UNC45A: variants seen among roughly 807,000 people sequenced by gnomAD.
The protein encoded by UNC45A is protein unc-45 homolog A.
UNC45A carries 78 observed loss-of-function variants against 103.2 expected under a neutral mutation model. That is an observed-to-expected ratio of 0.76 (90% CI 0.63 to 0.91). UNC45A has a LOEUF of 0.91. UNC45A is among the 40% of genes least tolerant of loss of function. The pLI is 0.00. For synonymous variants in UNC45A, 495 were observed against 504.6 expected (o/e 0.98, Z 0.25); for missense variants, 1,193 against 1,224.8 (o/e 0.97, Z 0.39).
chr15:90,946,921 C>A lies in UNC45A; in HGVS notation c.1500+7C>A. The A allele has an allele frequency of 5.7e-6, 4 of 701,794 alleles. No individual in the cohort carries two copies. Among genetic ancestry groups the A allele is most frequent in the Non-Finnish European group, 9.8e-6 (4 of 408,668 alleles). 43.5% of individuals were successfully genotyped at this position (701,794 alleles called of 1,614,324 possible). On this transcript the variant is annotated splice_region_variant and intron_variant, in intron 10 of 19. Coordinates refer to ENST00000418476, the MANE Select transcript of UNC45A (RefSeq NM_018671.5). ...CCGCATCCGGGCGCTAGTGGTGAGA[C>A]GGTGGGCCTGGGGTGGGTGGGCAGG...
At chr15:90,937,878 C>A (rs2036099815) in intron 4 of UNC45A, among the ~76,000 whole-genome samples, 1 of 152,052 alleles carries the variant, frequency 6.6e-6, no homozygotes, top group African/African-American at 2.4e-5. Context: ...TGGAGTACAA[C>A]CTCTTCCTCC....
At chr15:90,934,147 C>T, upstream of UNC45A, 1 of 399,224 alleles carries the variant, frequency 2.5e-6, no homozygotes. Context: ...CTCTCAGGTA[C>T]AGCACTTACC....
intron 17 of UNC45A, chr15:90,952,276 C>G (rs2036956800): frequency 6.6e-6 from 1 of 152,362 alleles, no homozygotes; most frequent in African/African-American, 2.4e-5. Context: ...CTTCCTGGCT[C>G]TACAGGCTGT....
rs772950269 is a variant in UNC45A at position 90,952,890 on chromosome 15, C to G, written c.2304-39C>G. ...CATGAGGGTTAGAAGGGAAAACATC[C>G]AAACCGTATCCCTGCTGCTTCCTCC... On this transcript the variant is annotated intron_variant, in intron 17 of 19. Coordinates refer to ENST00000418476, the MANE Select transcript of UNC45A (RefSeq NM_018671.5). The G allele has an allele frequency of 1.1e-5, 17 of 1,583,312 alleles. No homozygotes were observed. The Admixed American group carries it at 2.9e-4, about 27-fold the overall frequency.
intron 12 of UNC45A, 160 bp downstream of exon 12, chr15:90,948,443 C>G (rs2151372835): frequency 7.8e-7 from 1 of 1,285,884 alleles, no homozygotes; most frequent in Non-Finnish European, 1.1e-6. Context: ...TTGGCCAGCA[C>G]CAGTGGTGTT....
Position 90,949,327 on chromosome 15 carries a change from C to T in UNC45A, c.1890C>T (p.Ser630=), listed in dbSNP as rs115431400. The T allele has an allele frequency of 2.8e-4, 454 of 1,612,346 alleles. No individual in the cohort carries two copies. In the African/African-American group the frequency reaches 5.3e-3, roughly 19 times the overall value. Residue 630 remains serine, a synonymous_variant, in exon 14 of 20, where the codon AGC becomes AGT. Coordinates refer to ENST00000418476, the MANE Select transcript of UNC45A (RefSeq NM_018671.5). Reference sequence around the variant, plus strand: ...GCCTCCTCCCCCAGGACAAGCCAAGCTTCGTGCGGGCTCGGGTGAAGAAGC... The same window carrying T: ...GCCTCCTCCCCCAGGACAAGCCAAGTTTCGTGCGGGCTCGGGTGAAGAAGC... The part of the protein sequence containing the change: ...VPEQHPKDKP[S]FVRARVKKLL...
chr15:90,938,145 A>T (rs2036113458), intron 4 of UNC45A, among the ~76,000 whole-genome samples: 5 of 152,168 alleles, frequency 3.3e-5, no homozygotes, highest in Admixed American at 3.3e-4. Context: ...ATTTTAAAAG[A>T]TATACATCAA....
At chr15:90,949,963 G>A in intron 15 of UNC45A, 191 bp from the exon 16 acceptor site, 2 of 670,962 alleles carry the variant, frequency 3.0e-6, no homozygotes, top group East Asian at 2.7e-5. Flanking sequence ...CATGGCCCTG[G>A]TGCTCAGCAC....
intron 11 of UNC45A, 43 bp from the exon 12 acceptor site, chr15:90,948,090 CCCCTCCGTA>C: frequency 1.2e-6 from 2 of 1,606,352 alleles, no homozygotes; most frequent in South Asian, 1.1e-5. Context: ...CCTTGGTGTA[CCCCTCCGTA>C]CCCCCAATCC....
chr15:90,945,128 G>T, intron 9 of UNC45A, 65 bp downstream of exon 9: 1 of 1,579,854 alleles, frequency 6.3e-7, no homozygotes, highest in Non-Finnish European at 8.6e-7. Context: ...ACTCCTTGAG[G>T]AGGGGCAGAA....
At chr15:90,932,310 T>C, upstream of UNC45A, 2 of 785,016 alleles carry the variant, frequency 2.5e-6, no homozygotes, top group Non-Finnish European at 3.9e-6. Flanking sequence ...GCTTAAACGG[T>C]ATATCGCACT....
At position 90,944,879 on chromosome 15, in the gene UNC45A, G is replaced by T. The variant is rs751284075; in HGVS notation, c.1028-13G>T. The T allele has an allele frequency of 1.2e-6, 2 of 1,610,558 alleles. No individual in the cohort carries two copies. The highest frequency in any genetic ancestry group is 1.7e-6 in the Non-Finnish European group (2 of 1,179,110). On this transcript the variant is annotated splice_polypyrimidine_tract_variant and intron_variant, in intron 8 of 19. Coordinates refer to ENST00000418476, the MANE Select transcript of UNC45A (RefSeq NM_018671.5). Reference sequence around the variant, plus strand: ...AACTAGTGTTCTACTGTCTAAGCGGGGTGTCTTTACAGGTCTGAAAAAGAT... The same window carrying T: ...AACTAGTGTTCTACTGTCTAAGCGGTGTGTCTTTACAGGTCTGAAAAAGAT...
Position 90,949,370 on chromosome 15 carries a change from G to A in UNC45A, c.1933G>A (p.Val645Met), listed in dbSNP as rs760262031. 1.5e-5 allele frequency: 25 copies of A among 1,613,608 alleles called. No individual in the cohort carries two copies. In the Admixed American group the frequency reaches 4.0e-4, roughly 26 times the overall value. ...GAAGAAGCTGCTGGCAGCGGGTGTG[G>A]TGTCGGCCATGGTGTGCATGGTGAA... ...RVKKLLAAGV[V>M]SAMVCMVKTE... The change falls in exon 14 of 20, where the codon GTG (valine) becomes ATG (methionine). Residue 645 changes from valine to methionine, a missense_variant. By Grantham distance (21) the Val-to-Met change is conservative (BLOSUM62 1). Transcript: ENST00000418476.
At chr15:90,948,484 G>A in intron 12 of UNC45A, 170 bp from the exon 13 acceptor site, 1 of 1,283,076 alleles carries the variant, frequency 7.8e-7, no homozygotes, top group Non-Finnish European at 1.1e-6. Context: ...AGGAGCTGGG[G>A]AGGTCAAGTT....
Position 90,945,048 on chromosome 15 carries a change from G to A in UNC45A, c.1184G>A (p.Cys395Tyr). The change falls in exon 9 of 20, where the codon TGT becomes TAT. Residue 395 changes from cysteine (C) to tyrosine (Y), a missense_variant. Transcript: ENST00000418476. ...DAERENFHRL[C>Y]ENYIKSWFEG... ...GAGAGGGAGAATTTCCACAGACTTT[G>A]TGAAAACTACATCAAGTAAGGAAGT... is the stretch of plus-strand genomic sequence containing the variant. The A allele has an allele frequency of 6.2e-7, 1 of 1,612,784 alleles. No homozygotes were observed. The highest frequency in any genetic ancestry group is 8.5e-7 in the Non-Finnish European group (1 of 1,179,970).
chr15:90,940,537 C>G lies in UNC45A; in HGVS notation c.687+64C>G, dbSNP rs1454747215. 4 of 1,547,258 alleles carry G rather than the reference C, an allele frequency of 2.6e-6. No homozygotes were observed. In the African/African-American group the frequency reaches 5.4e-5, roughly 21 times the overall value. On this transcript the variant is annotated intron_variant, in intron 6 of 19. Coordinates refer to ENST00000418476, the MANE Select transcript of UNC45A (RefSeq NM_018671.5). ...TTTGTCTGTCTGTCCATCCATTCCTCCATCCACCCATCTGTCCATCCGCCC... is the reference window on the plus strand; with the variant it reads ...TTTGTCTGTCTGTCCATCCATTCCTGCATCCACCCATCTGTCCATCCGCCC...
chr15:90,942,902 T>C lies in UNC45A; in HGVS notation c.857-10T>C. The C allele has an allele frequency of 1.9e-6, 3 of 1,598,136 alleles. No individual in the cohort carries two copies. The highest frequency in any genetic ancestry group is 2.6e-6 in the Non-Finnish European group (3 of 1,169,574). On this transcript the variant is annotated splice_polypyrimidine_tract_variant and intron_variant, in intron 7 of 19. Coordinates refer to ENST00000418476, the MANE Select transcript of UNC45A (RefSeq NM_018671.5). ...TGTGGAGCCCACTGATGTCTTCTTGTTGTTGCCAGATCCTGCCCGGGAGCT... is the reference window on the plus strand; with the variant it reads ...TGTGGAGCCCACTGATGTCTTCTTGCTGTTGCCAGATCCTGCCCGGGAGCT...
chr15:90,935,525 G>A lies in UNC45A; in HGVS notation c.52-19G>A. The A allele has an allele frequency of 6.3e-7, 1 of 1,576,546 alleles. No homozygotes were observed. Among genetic ancestry groups the A allele is most frequent in the Non-Finnish European group, 8.6e-7 (1 of 1,159,176 alleles). ...GCCCCGAACCCCCTCCGACGTTTCC[G>A]CCCCCTTTCTCTCTACAGGCCAGCT... On this transcript the variant is annotated intron_variant, in intron 1 of 19. Coordinates refer to ENST00000418476, the MANE Select transcript of UNC45A (RefSeq NM_018671.5).
chr15:90,943,178 G>A, intron 8 of UNC45A, 96 bp downstream of exon 8: 1 of 1,424,642 alleles, frequency 7.0e-7, no homozygotes. Flanking sequence ...CAGGCATGGT[G>A]GATGACACAC....
Sources: allele counts gnomAD v4.1 joint callset (sites outside exome capture counted in the v4.1 genomes callset), GRCh38; gene constraint gnomAD v4.1.1; transcripts MANE v1.5; gene names NCBI Gene and HGNC (gene_info 2026-07-23, HGNC 2026-07-21).